Variants in FMN1 observed in about 807,000 individuals in gnomAD.
The protein encoded by FMN1 is formin-1.
A neutral mutation model predicts 132.4 loss-of-function variants in FMN1; 110 were observed. The ratio of observed to expected loss-of-function variants is 0.83; its 90% confidence interval spans 0.71 to 0.97. The LOEUF is 0.97. Ranked by LOEUF, FMN1 falls within the 50% of genes least tolerant of loss-of-function variation. The pLI is 0.00. For missense variants in FMN1, 1,792 were observed against 1,705.3 expected (o/e 1.05, Z -0.90); for synonymous variants, 722 against 651.7 (o/e 1.11, Z -1.64).
chr15:33,065,455 ATTAT>A (rs1399226268), intron 5 of FMN1, among the ~76,000 whole-genome samples: 2 of 152,244 alleles, frequency 1.3e-5, no homozygotes, highest in African/African-American at 4.8e-5. Context: ...GGACTCCAGG[ATTAT>A]TTAACACAAA....
chr15:33,008,150 G>A, intron 6 of FMN1, 75 bp from the exon 7 acceptor site: 8 of 1,112,964 alleles, frequency 7.2e-6, no homozygotes, highest in East Asian at 5.1e-5. Flanking sequence ...GGTCCTCTTA[G>A]AAATAAACTG....
chr15:32,887,024 A>G (rs1206169335), intron 16 of FMN1, among the ~76,000 whole-genome samples: 6 of 152,220 alleles, frequency 3.9e-5, no homozygotes, highest in Non-Finnish European at 7.3e-5. Context: ...TCCTTTAAAA[A>G]TAATATACAA....
chr15:33,042,870 T>G (rs1277479997), intron 6 of FMN1, among the ~76,000 whole-genome samples: 1 of 152,074 alleles, frequency 6.6e-6, no homozygotes, highest in Non-Finnish European at 1.5e-5. Context: ...AGCCTAAAAT[T>G]TGATTCCATG....
At chr15:32,981,240 C>G (rs112659993) in intron 7 of FMN1, among the ~76,000 whole-genome samples, 2 of 151,762 alleles carry the variant, frequency 1.3e-5, no homozygotes, top group Admixed American at 1.3e-4. Flanking sequence ...GCCTGTAATC[C>G]CAGCACTTTG....
intron 15 of FMN1, among the ~76,000 whole-genome samples, chr15:32,897,702 G>C (rs1450679947): frequency 1.3e-5 from 2 of 152,200 alleles, no homozygotes; most frequent in African/African-American, 2.4e-5. Context: ...AATAGGATCA[G>C]AGCTGTGTAA....
chr15:32,970,276 A>G (rs960570473), intron 7 of FMN1, among the ~76,000 whole-genome samples: 1 of 152,232 alleles, frequency 6.6e-6, no homozygotes, highest in African/African-American at 2.4e-5. Context: ...CTCAGCATTC[A>G]AAGCTATTCA....
At chr15:32,782,152 G>A (rs899771828) in intron 19 of FMN1, among the ~76,000 whole-genome samples, 3 of 152,180 alleles carry the variant, frequency 2.0e-5, no homozygotes, top group South Asian at 2.1e-4. Context: ...TTAGAACTGA[G>A]TAGGTGTCTT....
At chr15:32,799,554 G>C (rs897411652) in intron 18 of FMN1, among the ~76,000 whole-genome samples, 11 of 152,268 alleles carry the variant, frequency 7.2e-5, no homozygotes, top group East Asian at 1.9e-4. Context: ...TATGATACAA[G>C]AATACAAACC....
chr15:32,944,263 CCT>C (rs1401279983), intron 9 of FMN1, among the ~76,000 whole-genome samples: 1 of 152,226 alleles, frequency 6.6e-6, no homozygotes, highest in Non-Finnish European at 1.5e-5. Flanking sequence ...TGCTCCATCC[CCT>C]GCCACTCTGC....
intron 19 of FMN1, among the ~76,000 whole-genome samples, chr15:32,784,496 C>T (rs1461922502): frequency 6.6e-6 from 1 of 152,014 alleles, no homozygotes; most frequent in East Asian, 1.9e-4. Context: ...AAGCTTCTTC[C>T]TAAAGAACTG....
At chr15:32,787,837 C>T (rs1256108367) in intron 19 of FMN1, among the ~76,000 whole-genome samples, 2 of 151,816 alleles carry the variant, frequency 1.3e-5, no homozygotes, top group African/African-American at 4.9e-5. Context: ...AAGAATGAGA[C>T]CTTGTCTCTT....
intron 19 of FMN1, among the ~76,000 whole-genome samples, chr15:32,778,201 TTTA>T (rs1272998500): frequency 3.6e-5 from 5 of 137,970 alleles, no homozygotes; most frequent in Non-Finnish European, 7.6e-5. Context: ...ATATAATACA[TTTA>T]TTTATATATT....
At chr15:32,957,108 A>G (rs1175812969) in intron 9 of FMN1, among the ~76,000 whole-genome samples, 5 of 152,088 alleles carry the variant, frequency 3.3e-5, no homozygotes, top group Non-Finnish European at 1.5e-5. Context: ...AAAAAGACAG[A>G]GACAGAGAGG....
At chr15:32,935,397 TTG>T (rs2061240126) in intron 9 of FMN1, among the ~76,000 whole-genome samples, 1 of 152,176 alleles carries the variant, frequency 6.6e-6, no homozygotes, top group East Asian at 1.9e-4. Flanking sequence ...ATTCTCTTTT[TTG>T]TCTTTAACTT....
chr15:33,136,914 C>A (rs1325218780), intron 4 of FMN1, among the ~76,000 whole-genome samples: 3 of 151,772 alleles, frequency 2.0e-5, no homozygotes, highest in African/African-American at 7.3e-5. Context: ...ATGGTGAAAC[C>A]CTGTCTCTAC....
chr15:33,179,865 T>G (rs1965635736), intron 3 of FMN1, among the ~76,000 whole-genome samples: 1 of 152,228 alleles, frequency 6.6e-6, no homozygotes, highest in African/African-American at 2.4e-5. Flanking sequence ...ATTCCTTCCT[T>G]GCTTCTTTTT....
intron 6 of FMN1, among the ~76,000 whole-genome samples, chr15:33,057,930 T>C (rs1450910595): frequency 1.6e-5 from 2 of 126,102 alleles, no homozygotes; most frequent in East Asian, 2.3e-4. Flanking sequence ...TTGATGGCTA[T>C]AAGCACATGA....
At chr15:32,972,065 G>A (rs1339972566) in intron 7 of FMN1, among the ~76,000 whole-genome samples, 1 of 152,166 alleles carries the variant, frequency 6.6e-6, no homozygotes, top group Non-Finnish European at 1.5e-5. Context: ...ATAATAAAAT[G>A]TACCTGACAG....
intron 7 of FMN1, among the ~76,000 whole-genome samples, chr15:32,975,276 A>T (rs1005951882): frequency 2.0e-5 from 3 of 152,204 alleles, no homozygotes; most frequent in African/African-American, 7.2e-5. Flanking sequence ...AACTCCAGGC[A>T]GTTGGGGACC....
Sources: gnomAD v4.1 joint callset for allele counts (sites outside exome capture counted in the v4.1 genomes callset) on GRCh38, gnomAD v4.1.1 for gene constraint, MANE v1.5 for transcripts, NCBI Gene and HGNC (gene_info 2026-07-23, HGNC 2026-07-21) for gene names.